The following WWOX variants were observed in gnomAD, a reference collection of about 807,000 sequenced individuals.
WWOX encodes the protein WW domain containing oxidoreductase.
Under a neutral mutation model 46.2 loss-of-function variants are expected in WWOX, and 69 were observed. That is an observed-to-expected ratio of 1.49 (90% CI 1.23 to 1.82). WWOX has a LOEUF of 1.82. Among genes scored for constraint, WWOX ranks in the 40% most tolerant of loss-of-function variants. WWOX has a pLI of 0.00. For missense variants in WWOX, 919 were observed against 542.6 expected, an observed-to-expected ratio of 1.69 and a Z score of -6.89; for synonymous variants, 359 against 202.6, an observed-to-expected ratio of 1.77 and a Z score of -6.56.
At chr16:79,019,315 A>G (rs1039824458) in intron 8 of WWOX, among the ~76,000 whole-genome samples, 9 of 152,072 alleles carry the variant, frequency 5.9e-5, no homozygotes, top group Admixed American at 4.6e-4. Flanking sequence ...ACACAAACCT[A>G]GATGGTGCCG....
intron 8 of WWOX, among the ~76,000 whole-genome samples, chr16:78,972,017 A>G (rs1214301584): frequency 6.6e-6 from 1 of 152,100 alleles, no homozygotes; most frequent in African/African-American, 2.4e-5. Flanking sequence ...GTTTACTCCG[A>G]AACTTCTTGC....
At chr16:78,570,341 C>T (rs956229760) in intron 8 of WWOX, among the ~76,000 whole-genome samples, 2 of 152,142 alleles carry the variant, frequency 1.3e-5, no homozygotes, top group African/African-American at 4.8e-5. Context: ...ATTTATTTTT[C>T]TTTGAGACAG....
intron 8 of WWOX, among the ~76,000 whole-genome samples, chr16:78,687,132 A>G (rs1233337596): frequency 6.6e-6 from 1 of 152,120 alleles, no homozygotes; most frequent in East Asian, 1.9e-4. Flanking sequence ...AAAAGGTTAT[A>G]CATTGAATAA....
chr16:78,858,193 T>C (rs1597729408), intron 8 of WWOX, among the ~76,000 whole-genome samples: 1 of 149,994 alleles, frequency 6.7e-6, no homozygotes, highest in Admixed American at 6.7e-5. Flanking sequence ...GTGCATGATA[T>C]AAGTTTTTAT....
intron 8 of WWOX, among the ~76,000 whole-genome samples, chr16:78,472,181 C>T (rs150532746): frequency 6.6e-6 from 1 of 151,890 alleles, no homozygotes; most frequent in African/African-American, 2.4e-5. Flanking sequence ...AAATTAAAAC[C>T]CCAACCACCT....
At chr16:78,355,532 G>A (rs2081266852) in intron 5 of WWOX, 1 of 397,432 alleles carries the variant, frequency 2.5e-6, no homozygotes, top group South Asian at 2.3e-5. Context: ...ATGAAACATG[G>A]CAGACAACGT....
chr16:78,719,438 T>C (rs1001516948), intron 8 of WWOX, among the ~76,000 whole-genome samples: 4 of 152,208 alleles, frequency 2.6e-5, no homozygotes, highest in African/African-American at 9.6e-5. Context: ...CAATTTCGGG[T>C]GGACTGTCAC....
At chr16:78,509,845 T>C (rs1395207096) in intron 8 of WWOX, among the ~76,000 whole-genome samples, 2 of 151,548 alleles carry the variant, frequency 1.3e-5, no homozygotes, top group Non-Finnish European at 2.9e-5. Context: ...TTCAGCACTT[T>C]GGGAGGCCGA....
chr16:78,622,648 G>C (rs1180955033), intron 8 of WWOX, among the ~76,000 whole-genome samples: 1 of 151,116 alleles, frequency 6.6e-6, no homozygotes, highest in Non-Finnish European at 1.5e-5. Flanking sequence ...GGCCTGATGT[G>C]ATCACCCTTC....
At position 78,342,397 on chromosome 16, in the gene WWOX, C is replaced by T. The variant is rs2081032536; in HGVS notation, c.517-44463C>T. 1.6e-5 allele frequency among the ~76,000 whole-genome samples: 2 copies of T among 121,268 alleles called. 1 individual carries two copies. The highest frequency in any genetic ancestry group is 1.6e-4 in the Admixed American group (2 of 12,512). The allele number at this position is 121,268 out of a possible 152,430, so 79.6% of individuals were successfully genotyped here. ...GACTCCACTGTCTTGGAGCTACACT[C>T]TAAAACAAATAGCCTCCAAAGTCAA... is the stretch of plus-strand genomic sequence containing the variant. On this transcript the variant is annotated intron_variant, in intron 5 of 8. Coordinates refer to ENST00000566780, the MANE Select transcript of WWOX (RefSeq NM_016373.4).
intron 8 of WWOX, among the ~76,000 whole-genome samples, chr16:78,595,280 G>T (rs886164865): frequency 8.1e-6 from 1 of 122,794 alleles, no homozygotes; most frequent in Non-Finnish European, 1.8e-5. Flanking sequence ...GGAGCAACTG[G>T]AAATGTCTTT....
intron 8 of WWOX, among the ~76,000 whole-genome samples, chr16:78,543,509 C>T (rs1468382830): frequency 6.6e-6 from 1 of 152,194 alleles, no homozygotes; most frequent in Non-Finnish European, 1.5e-5. Flanking sequence ...CACCCATGCA[C>T]CTTACACAGA....
chr16:78,945,270 A>G (rs553457710), intron 8 of WWOX, among the ~76,000 whole-genome samples: 16 of 152,222 alleles, frequency 1.1e-4, no homozygotes, highest in Non-Finnish European at 1.9e-4. Context: ...TTCTTCTTTC[A>G]GTTTCCATGG....
chr16:78,589,889 G>A (rs1053222164), intron 8 of WWOX, among the ~76,000 whole-genome samples: 2 of 152,212 alleles, frequency 1.3e-5, no homozygotes, highest in Non-Finnish European at 1.5e-5. Flanking sequence ...AAACTCCAGG[G>A]GAAGAGGGTC....
chr16:79,127,845 G>C (rs1490715532), intron 8 of WWOX, among the ~76,000 whole-genome samples: 1 of 152,184 alleles, frequency 6.6e-6, no homozygotes, highest in Non-Finnish European at 1.5e-5. Flanking sequence ...CTCAAAATGT[G>C]CTTTAAGGAG....
intron 8 of WWOX, among the ~76,000 whole-genome samples, chr16:78,928,663 G>GAA (rs57026083): frequency 6.6e-6 from 1 of 151,012 alleles, no homozygotes; most frequent in African/African-American, 2.4e-5. Context: ...TGACTTACTG[G>GAA]AAAAAAAAAT....
intron 8 of WWOX, among the ~76,000 whole-genome samples, chr16:79,019,367 G>A (rs751028530): frequency 2.6e-5 from 4 of 151,972 alleles, no homozygotes; most frequent in Non-Finnish European, 4.4e-5. Context: ...TAGCCTCTTG[G>A]TCTTAGCCTA....
At chr16:78,419,064 T>TA (rs1325728594) in intron 6 of WWOX, among the ~76,000 whole-genome samples, 1 of 152,146 alleles carries the variant, frequency 6.6e-6, no homozygotes, top group African/African-American at 2.4e-5. Flanking sequence ...GAAAGGTACT[T>TA]AAAAAATATT....
At chr16:78,682,443 G>C (rs1025369035) in intron 8 of WWOX, among the ~76,000 whole-genome samples, 7 of 152,138 alleles carry the variant, frequency 4.6e-5, no homozygotes, top group Non-Finnish European at 8.8e-5. Context: ...AGCCGGGTCT[G>C]GTGGTGGCGT....
Sources: gnomAD v4.1 joint callset for allele counts (sites outside exome capture counted in the v4.1 genomes callset) on GRCh38, gnomAD v4.1.1 for gene constraint, MANE v1.5 for transcripts, NCBI Gene and HGNC (gene_info 2026-07-23, HGNC 2026-07-21) for gene names.